TLN2: variants seen among roughly 807,000 people sequenced by gnomAD.
The protein encoded by TLN2 is talin 2.
A neutral mutation model predicts 294.7 loss-of-function variants in TLN2; 118 were observed. That is an observed-to-expected ratio of 0.40 (90% CI 0.34 to 0.47). TLN2 has a LOEUF of 0.47. TLN2 is among the 20% of genes least tolerant of loss of function. The probability of loss-of-function intolerance (pLI) is 0.84; values close to 1 mark genes in which losing one functional copy is unlikely to be tolerated. For synonymous variants in TLN2, 1,431 were observed against 1,304.5 expected, an observed-to-expected ratio of 1.10 and a Z score of -2.09; for missense variants, 3,083 against 3,282.2, an observed-to-expected ratio of 0.94 and a Z score of 1.48.
intron 2 of TLN2, among the ~76,000 whole-genome samples, chr15:62,604,169 T>C (rs1567177210): frequency 6.6e-6 from 1 of 152,148 alleles, no homozygotes; most frequent in African/African-American, 2.4e-5. Context: ...CAACCTGTGC[T>C]CTAGGCATTC....
In TLN2 at chr15:62,669,144, T is replaced by G. The variant is rs114899305; in HGVS notation, c.789-4683T>G. 4.2e-3 allele frequency among the ~76,000 whole-genome samples: 638 copies of G among 152,334 alleles called. 4 individuals are homozygous for G. Among genetic ancestry groups the G allele is most frequent in the African/African-American group, 0.015 (610 of 41,560 alleles). ...TATCTTTAGATTTCCATGATTTTTT[T>G]CCTTTTCAGTATTTGACAGCTATCT... On this transcript the variant is annotated intron_variant, in intron 9 of 58. Transcript: ENST00000636159.
intron 11 of TLN2, among the ~76,000 whole-genome samples, chr15:62,686,071 A>G (rs1190059130): frequency 6.6e-6 from 1 of 152,188 alleles, no homozygotes; most frequent in East Asian, 1.9e-4. Context: ...AGACATTACT[A>G]TATCTTAAAA....
At chr15:62,483,925 C>T (rs868242886) in intron 1 of TLN2, among the ~76,000 whole-genome samples, 6 of 152,330 alleles carry the variant, frequency 3.9e-5, no homozygotes, top group Admixed American at 6.5e-5. Flanking sequence ...GCATGCCTCC[C>T]AGCAGATAAA....
chr15:62,396,080 C>T (rs1019874859), intron 1 of TLN2, among the ~76,000 whole-genome samples: 1 of 152,112 alleles, frequency 6.6e-6, no homozygotes, highest in South Asian at 2.1e-4. Context: ...GTGATCCACC[C>T]GCCTTGGCCT....
At chr15:62,771,413 T>C (rs937414) in intron 42 of TLN2, among the ~76,000 whole-genome samples, 95,698 of 152,142 alleles carry the variant, frequency 0.63, 30,714 homozygotes, top group Non-Finnish European at 0.69. Context: ...ATGAAAACTG[T>C]AATGCTTGCT....
chr15:62,480,145 G>C (rs1356844776), intron 1 of TLN2, among the ~76,000 whole-genome samples: 1 of 152,168 alleles, frequency 6.6e-6, no homozygotes, highest in African/African-American at 2.4e-5. Context: ...GTGGGTGGAA[G>C]GTGTTGGATG....
At chr15:62,621,171 T>G (rs2140858180) in intron 3 of TLN2, among the ~76,000 whole-genome samples, 1 of 152,220 alleles carries the variant, frequency 6.6e-6, no homozygotes, top group Non-Finnish European at 1.5e-5. Context: ...CCTTGGGACT[T>G]AAGGAATGAA....
chr15:62,606,390 C>G (rs1466036683), intron 2 of TLN2, among the ~76,000 whole-genome samples: 1 of 152,010 alleles, frequency 6.6e-6, no homozygotes, highest in African/African-American at 2.4e-5. Flanking sequence ...CACGCCTGGC[C>G]CCAAAAGATA....
chr15:62,442,906 C>A (rs1193650355), intron 1 of TLN2, among the ~76,000 whole-genome samples: 2 of 152,152 alleles, frequency 1.3e-5, no homozygotes, highest in Non-Finnish European at 2.9e-5. Flanking sequence ...TTGAGGCCGC[C>A]TGCAGTTCTT....
chr15:62,582,547 G>C (rs2045225257), intron 1 of TLN2, among the ~76,000 whole-genome samples: 1 of 152,110 alleles, frequency 6.6e-6, no homozygotes, highest in Non-Finnish European at 1.5e-5. Context: ...GAACTTGATG[G>C]ACAGCTAGAT....
At chr15:62,721,315 A>G (rs796288545) in intron 25 of TLN2, among the ~76,000 whole-genome samples, 11 of 152,264 alleles carry the variant, frequency 7.2e-5, no homozygotes, top group African/African-American at 2.6e-4. Context: ...ATCTTTTATG[A>G]GATTGGGGAT....
At chr15:62,750,308 G>T in intron 33 of TLN2, 94 bp from the exon 34 acceptor site, 1 of 994,548 alleles carries the variant, frequency 1.0e-6, no homozygotes, top group Non-Finnish European at 1.6e-6. Flanking sequence ...AGAAACTTGT[G>T]TATGGAGGGA....
At chr15:62,726,164 C>A (rs746345171) in intron 27 of TLN2, among the ~76,000 whole-genome samples, 1 of 152,104 alleles carries the variant, frequency 6.6e-6, no homozygotes, top group Non-Finnish European at 1.5e-5. Flanking sequence ...TCCATCTTTA[C>A]GTAGAGCATA....
At chr15:62,715,887 T>A (rs185941151) in intron 22 of TLN2, among the ~76,000 whole-genome samples, 1 of 152,302 alleles carries the variant, frequency 6.6e-6, no homozygotes, top group East Asian at 1.9e-4. Context: ...CCCACCTGAG[T>A]TGATACTGGA....
intron 40 of TLN2, among the ~76,000 whole-genome samples, chr15:62,764,989 AAAGT>A (rs1360704194): frequency 1.3e-5 from 2 of 150,654 alleles, no homozygotes; most frequent in African/African-American, 2.4e-5. Flanking sequence ...AAAAAAAAAA[AAAGT>A]AGCAAAGATG....
At chr15:62,714,444 C>T (rs1044850509) in intron 22 of TLN2, among the ~76,000 whole-genome samples, 11 of 151,842 alleles carry the variant, frequency 7.2e-5, no homozygotes, top group African/African-American at 1.9e-4. Context: ...CCTTGTGATC[C>T]ACCCGCCTCG....
chr15:62,623,899 A>G (rs2049043289), intron 3 of TLN2, among the ~76,000 whole-genome samples: 1 of 152,218 alleles, frequency 6.6e-6, no homozygotes, highest in African/African-American at 2.4e-5. Flanking sequence ...TGACCCATCA[A>G]ACTCACTGCT....
intron 9 of TLN2, among the ~76,000 whole-genome samples, chr15:62,667,115 A>T (rs62004577): frequency 6.6e-6 from 1 of 151,928 alleles, no homozygotes; most frequent in Admixed American, 6.6e-5. Context: ...ACAGGCGCCC[A>T]CCACCACGCC....
At chr15:62,825,851 A>ATT (rs1238802259) in intron 54 of TLN2, among the ~76,000 whole-genome samples, 2 of 93,140 alleles carry the variant, frequency 2.1e-5, no homozygotes, top group African/African-American at 5.8e-5. Context: ...ATATAAATAT[A>ATT]TTATATATAT....
Sources: allele counts gnomAD v4.1 joint callset (sites outside exome capture counted in the v4.1 genomes callset), GRCh38; gene constraint gnomAD v4.1.1; transcripts MANE v1.5; gene names NCBI Gene and HGNC (gene_info 2026-07-23, HGNC 2026-07-21).